PCDH15: variants seen among roughly 807,000 people sequenced by gnomAD.
PCDH15 encodes protocadherin-15.
Under a neutral mutation model 178.5 loss-of-function variants are expected in PCDH15, and 129 were observed. The ratio of observed to expected loss-of-function variants is 0.72; its 90% CI spans 0.63 to 0.84. The LOEUF (loss-of-function observed/expected upper bound fraction) is 0.84. Among genes scored for constraint, PCDH15 ranks in the 40% least tolerant of loss-of-function variants. The pLI is 0.00. For missense variants in PCDH15, 2,230 were observed against 2,099.9 expected (o/e 1.06, Z -1.21); for synonymous variants, 800 against 732.0 (o/e 1.09, Z -1.50).
At chr10:54,522,336 AT>A in intron 3 of PCDH15, among the ~76,000 whole-genome samples, 1 of 152,286 alleles carries the variant, frequency 6.6e-6, no homozygotes, top group South Asian at 2.1e-4. Context: ...CATCTTCTCT[AT>A]TTCAATCACA....
chr10:53,975,305 G>T (rs1468557155), intron 21 of PCDH15, among the ~76,000 whole-genome samples: 1 of 152,148 alleles, frequency 6.6e-6, no homozygotes, highest in Admixed American at 6.5e-5. Context: ...ACCCAGTAAT[G>T]GAATTGCTAG....
chr10:53,987,549 C>T (rs1292962714), intron 21 of PCDH15, among the ~76,000 whole-genome samples: 2 of 151,244 alleles, frequency 1.3e-5, no homozygotes, highest in South Asian at 2.1e-4. Flanking sequence ...ATGTATGTGA[C>T]TAATTCTTCA....
intron 18 of PCDH15, among the ~76,000 whole-genome samples, chr10:54,045,132 T>C (rs545227861): frequency 6.6e-6 from 1 of 152,236 alleles, no homozygotes; most frequent in South Asian, 2.1e-4. Flanking sequence ...GAATGACCAT[T>C]GTATGGTACA....
At chr10:53,897,437 C>A (rs2593121) in intron 26 of PCDH15, among the ~76,000 whole-genome samples, 14,484 of 152,140 alleles carry the variant, frequency 0.095, 1,999 homozygotes, top group African/African-American at 0.3. Context: ...AAGTTTAAAA[C>A]ATTTTATAAA....
chr10:55,334,549 C>T (rs187675165), intron 2 of PCDH15, among the ~76,000 whole-genome samples: 48 of 151,820 alleles, frequency 3.2e-4, no homozygotes, highest in Non-Finnish European at 4.6e-4. Flanking sequence ...TCAGGTCATC[C>T]GCCTGCCTCA....
At chr10:54,704,844 T>C (rs953608567) in intron 1 of PCDH15, among the ~76,000 whole-genome samples, 18 of 152,204 alleles carry the variant, frequency 1.2e-4, no homozygotes, top group African/African-American at 4.3e-4. Context: ...CAAAGAAATA[T>C]AAATCATTCT....
At chr10:54,239,315 A>T (rs1258149088) in intron 8 of PCDH15, among the ~76,000 whole-genome samples, 1 of 151,920 alleles carries the variant, frequency 6.6e-6, no homozygotes, top group Non-Finnish European at 1.5e-5. Flanking sequence ...GAATTGTTGT[A>T]TAAGCAATGT....
intron 1 of PCDH15, among the ~76,000 whole-genome samples, chr10:55,258,121 G>C (rs1215619327): frequency 2.6e-5 from 4 of 152,142 alleles, no homozygotes; most frequent in Admixed American, 6.6e-5. Flanking sequence ...AATATGCCTA[G>C]ATTTTTGCTT....
intron 1 of PCDH15, among the ~76,000 whole-genome samples, chr10:55,267,142 G>A (rs1379221286): frequency 6.6e-6 from 1 of 151,988 alleles, no homozygotes; most frequent in African/African-American, 2.4e-5. Context: ...GAGAAGGAGA[G>A]ACAGAGGGGA....
At chr10:54,982,077 A>T (rs1464897045) in intron 2 of PCDH15, among the ~76,000 whole-genome samples, 1 of 152,052 alleles carries the variant, frequency 6.6e-6, no homozygotes, top group Non-Finnish European at 1.5e-5. Flanking sequence ...GCCTGCCTAG[A>T]ACGTTGGATT....
At chr10:54,356,420 G>A (rs983516907) in intron 5 of PCDH15, among the ~76,000 whole-genome samples, 1 of 151,870 alleles carries the variant, frequency 6.6e-6, no homozygotes, top group Non-Finnish European at 1.5e-5. Context: ...CAATAAAGTA[G>A]TAAGGGCTGA....
chr10:55,268,033 T>C (rs1787055287), intron 1 of PCDH15, among the ~76,000 whole-genome samples: 1 of 152,226 alleles, frequency 6.6e-6, no homozygotes, highest in Non-Finnish European at 1.5e-5. Flanking sequence ...TGCGTATTGT[T>C]GTCGTGCACT....
intron 18 of PCDH15, among the ~76,000 whole-genome samples, chr10:54,038,027 C>G (rs1437775256): frequency 6.6e-6 from 1 of 151,800 alleles, no homozygotes; most frequent in African/African-American, 2.4e-5. Context: ...CAGAGGATCT[C>G]CTCATAAAAA....
intron 2 of PCDH15, among the ~76,000 whole-genome samples, chr10:55,453,232 G>C (rs1298121856): frequency 6.6e-6 from 1 of 152,116 alleles, no homozygotes; most frequent in Non-Finnish European, 1.5e-5. Flanking sequence ...GACATCACAT[G>C]TGAAAATACA....
At chr10:54,228,220 G>A (rs776270256) in intron 9 of PCDH15, among the ~76,000 whole-genome samples, 8 of 152,088 alleles carry the variant, frequency 5.3e-5, no homozygotes, top group Non-Finnish European at 1.2e-4. Context: ...GGTTTAATTG[G>A]ACTTACAGTT....
intron 1 of PCDH15, among the ~76,000 whole-genome samples, chr10:55,178,878 T>C (rs1263923087): frequency 1.3e-5 from 2 of 152,058 alleles, no homozygotes; most frequent in Admixed American, 6.6e-5. Flanking sequence ...TAAACAGAAA[T>C]CTCTTTTCTA....
intron 32 of PCDH15, among the ~76,000 whole-genome samples, chr10:53,820,494 G>A (rs1470300270): frequency 6.6e-6 from 1 of 151,908 alleles, no homozygotes; most frequent in Non-Finnish European, 1.5e-5. Flanking sequence ...GTAATTATCA[G>A]GTATGAGTTT....
At chr10:53,908,865 T>C (rs1275174109) in intron 25 of PCDH15, among the ~76,000 whole-genome samples, 1 of 152,260 alleles carries the variant, frequency 6.6e-6, no homozygotes. Context: ...ACCAGATTTA[T>C]ATTTGTTAAT....
At chr10:55,359,743 T>TACAC (rs1371446472) in intron 2 of PCDH15, among the ~76,000 whole-genome samples, 2 of 117,932 alleles carry the variant, frequency 1.7e-5, no homozygotes, top group Admixed American at 9.3e-5. Context: ...TATATATATA[T>TACAC]ATATACACAC....
Sources: gnomAD v4.1 joint callset for allele counts (sites outside exome capture counted in the v4.1 genomes callset) on GRCh38, gnomAD v4.1.1 for gene constraint, MANE v1.5 for transcripts, NCBI Gene and HGNC (gene_info 2026-07-23, HGNC 2026-07-21) for gene names.